ATM: variants seen among roughly 807,000 people sequenced by gnomAD.
ATM encodes ATM serine/threonine kinase.
A neutral mutation model predicts 387.0 loss-of-function variants in ATM; 308 were observed. The observed-to-expected ratio is 0.80, with a 90% CI of 0.73 to 0.87. The LOEUF (loss-of-function observed/expected upper bound fraction) is 0.87, where lower values mean the gene tolerates loss of function less well. Ranked by LOEUF, ATM falls within the 40% of genes least tolerant of loss-of-function variation. ATM has a pLI of 0.00. For missense variants in ATM, 3,312 were observed against 3,560.9 expected (o/e 0.93, Z 1.78); for synonymous variants, 1,156 against 1,187.3 (o/e 0.97, Z 0.54).
chr11:108,357,927 G>A (rs1049699961), intron 61 of ATM, among the ~76,000 whole-genome samples: 14 of 150,798 alleles, frequency 9.3e-5, no homozygotes, highest in South Asian at 2.1e-4. Flanking sequence ...CACCAGCAAC[G>A]GAACAAAGCT....
rs142766756 is a variant in ATM, at chr11:108,282,772, T to C, written c.3639T>C (p.His1213=). ...GTTTAGAAGACTTTATGGCATCTCATTTAGATTATCTGGTTTTGGAATGGC... is the reference window on the plus strand; with the variant it reads ...GTTTAGAAGACTTTATGGCATCTCACTTAGATTATCTGGTTTTGGAATGGC... ...YRRLEDFMAS[H]LDYLVLEWLN... Residue 1213 remains histidine (H), a synonymous_variant, in exon 25 of 63, where the codon CAT becomes CAC. Transcript: ENST00000675843. 5.6e-6 allele frequency: 9 copies of C among 1,611,020 alleles called. No individual in the cohort carries two copies. In the African/African-American group the frequency reaches 1.2e-4, roughly 22 times the overall value.
rs2082669054 is a variant in ATM at position 108,289,597 on chromosome 11, T to G, written c.4237-5T>G. 6.2e-7 allele frequency: 1 copy of G among 1,600,222 alleles called. No homozygotes were observed. The highest frequency in any genetic ancestry group is 1.1e-5 in the South Asian group (1 of 88,978). ...AAGTTTTTACTAAATCTGTTTATTT[T>G]CTAGGATTCCTATCAGAAAATTCTT... On this transcript the variant is annotated splice_region_variant and splice_polypyrimidine_tract_variant and intron_variant, in intron 28 of 62. Transcript: ENST00000675843.
chr11:108,224,493 A>G (rs625120), intron 1 of ATM: 79,825 of 152,018 alleles, frequency 0.53, 21,802 homozygotes, highest in Middle Eastern at 0.73. Flanking sequence ...TAATGTATAA[A>G]TGAAGTTCAT....
At chr11:108,310,400 C>A (rs2136024270) in intron 39 of ATM, 85 bp downstream of exon 39, 2 of 1,252,850 alleles carry the variant, frequency 1.6e-6, no homozygotes, top group East Asian at 2.4e-5. Context: ...TATTTTGCCT[C>A]CTGTTCCCCA....
At chr11:108,258,137 C>A (rs2080624477) in intron 15 of ATM, among the ~76,000 whole-genome samples, 1 of 152,104 alleles carries the variant, frequency 6.6e-6, no homozygotes, top group Non-Finnish European at 1.5e-5. Flanking sequence ...ACCCTGGGCT[C>A]AAGTGATGCT....
intron 38 of ATM, chr11:108,309,219 T>C (rs2083940087): frequency 1.8e-6 from 1 of 545,060 alleles, no homozygotes; most frequent in Non-Finnish European, 3.3e-6. Flanking sequence ...ACAAAAAAAT[T>C]GCTTGCTGTC....
Position 108,345,724 on chromosome 11 carries a change from A to G in ATM, c.8419-19A>G, listed in dbSNP as rs12279930. 1.4e-3 allele frequency: 2,214 copies of G among 1,532,168 alleles called. 27 individuals carry two copies. The African/African-American group carries it at 0.026, about 18-fold the overall frequency. The allele number at this position is 1,532,168 out of a possible 1,614,324, so 94.9% of individuals were successfully genotyped here. A position where few individuals can be genotyped will look rare whatever the true frequency, so the allele number is the denominator to read the frequency against. On this transcript the variant is annotated intron_variant, in intron 57 of 62. Transcript: ENST00000675843. The stretch of plus-strand genomic sequence containing the variant: ...GAACACAATATTGAAAAATAATTAT[A>G]TATATTCTCTATTTAAAGGAGGTGC...
intron 5 of ATM, among the ~76,000 whole-genome samples, chr11:108,238,080 C>G (rs2079382362): frequency 6.6e-6 from 1 of 151,870 alleles, no homozygotes. Context: ...GCATGTGCCA[C>G]CACACCCAGC....
Position 108,257,744 on chromosome 11 carries a change from C to T in ATM, c.2376+138C>T, listed in dbSNP as rs2080597945. On this transcript the variant is annotated intron_variant, in intron 15 of 62. Coordinates refer to ENST00000675843, the MANE Select transcript of ATM (RefSeq NM_000051.4). ...CAGCAATTCTCCTGCCTCAGCCTCC[C>T]AAGTAATTGGGACTACAGGCATGTA... The T allele has an allele frequency of 1.0e-5, 9 of 888,970 alleles. No individual in the cohort carries two copies. In the East Asian group the frequency reaches 2.1e-4, roughly 21 times the overall value. The allele number at this position is 888,970 out of a possible 1,614,324, so 55.1% of individuals were successfully genotyped here.
chr11:108,247,543 G>T (rs543092985), intron 8 of ATM, among the ~76,000 whole-genome samples: 1 of 152,088 alleles, frequency 6.6e-6, no homozygotes, highest in African/African-American at 2.4e-5. Context: ...GTGGTTTTTA[G>T]TATTTTTACT....
At chr11:108,286,042 A>G (rs1049209273) in intron 26 of ATM, among the ~76,000 whole-genome samples, 7 of 152,218 alleles carry the variant, frequency 4.6e-5, no homozygotes, top group African/African-American at 1.7e-4. Context: ...GATGTAAGTT[A>G]AATTCTTGGC....
At chr11:108,277,978 C>A (rs536322769) in intron 22 of ATM, among the ~76,000 whole-genome samples, 1 of 151,988 alleles carries the variant, frequency 6.6e-6, no homozygotes, top group African/African-American at 2.4e-5. Context: ...ATTTTTAGCA[C>A]CTAAAACAAT....
Position 108,310,241 on chromosome 11 carries a change from T to C in ATM, c.5844T>C (p.Cys1948=), listed in dbSNP as rs776150043. The change falls in exon 39 of 63, where the codon TGT becomes TGC. Residue 1948 remains cysteine (C), a synonymous_variant. Coordinates refer to ENST00000675843, the MANE Select transcript of ATM (RefSeq NM_000051.4). ...AAGTTGCCAAGGTAGCTCAGTCTTG[T>C]GCTGCTCACTTTACAGCTTTACTCT... ...YLEVAKVAQS[C]AAHFTALLYA... is the part of the protein sequence containing the mutation. 1 of 1,613,574 alleles carries C rather than the reference T, an allele frequency of 6.2e-7. No homozygotes were observed. The highest frequency in any genetic ancestry group is 2.2e-5 in the East Asian group (1 of 44,772).
At chr11:108,276,066 C>A (rs559061642) in intron 22 of ATM, among the ~76,000 whole-genome samples, 1 of 152,200 alleles carries the variant, frequency 6.6e-6, no homozygotes, top group African/African-American at 2.4e-5. Context: ...CCTTTTCATT[C>A]TTTTTTCTCT....
intron 61 of ATM, among the ~76,000 whole-genome samples, chr11:108,360,483 GAC>G (rs2090595146): frequency 8.2e-6 from 1 of 121,860 alleles, no homozygotes; most frequent in Non-Finnish European, 1.7e-5. Flanking sequence ...GCCGGGCAGA[GAC>G]ACAACCAAAA....
intron 37 of ATM, among the ~76,000 whole-genome samples, chr11:108,305,591 GA>G (rs996819375): frequency 1.3e-5 from 2 of 150,906 alleles, no homozygotes; most frequent in African/African-American, 2.4e-5. Flanking sequence ...TCTAAAAAAA[GA>G]AAAAAAACCC....
rs142455912 is a variant in ATM at position 108,299,797 on chromosome 11, A to G, written c.5089A>G (p.Thr1697Ala). Residue 1697 changes from threonine (T) to alanine (A), a missense_variant, in exon 34 of 63, where the codon ACC becomes GCC. Around this residue, in one of 4 missense-constraint regions of ATM, gnomAD observed 1,405 missense variants for 1,604.4 expected, o/e 0.88. Coordinates refer to ENST00000675843, the MANE Select transcript of ATM (RefSeq NM_000051.4). Reference sequence around the variant, plus strand: ...ACAACATAGTAAAGATGCATCTTATACCAAGGCCCTTAAGTTATTTGAAGA... The same window carrying G: ...ACAACATAGTAAAGATGCATCTTATGCCAAGGCCCTTAAGTTATTTGAAGA... Reference protein sequence around the residue: ...AIQHSKDASYTKALKLFEDKE... With the variant: ...AIQHSKDASYAKALKLFEDKE... The G allele has an allele frequency of 1.9e-4, 308 of 1,613,922 alleles. No homozygotes were observed. The highest frequency in any genetic ancestry group is 2.5e-4 in the Non-Finnish European group (292 of 1,179,960).
At chr11:108,246,606 C>T (rs557766281) in intron 7 of ATM, among the ~76,000 whole-genome samples, 3 of 152,222 alleles carry the variant, frequency 2.0e-5, no homozygotes, top group Admixed American at 1.3e-4. Context: ...GTTGAAGGAA[C>T]TCGTAATATT....
rs2135318244 is a variant in ATM, at chr11:108,250,778, T to C, written c.1313T>C (p.Ile438Thr). 3 of 1,613,752 alleles carry C rather than the reference T, an allele frequency of 1.9e-6. No homozygotes were observed. The highest frequency in any genetic ancestry group is 2.5e-6 in the Non-Finnish European group (3 of 1,179,974). Residue 438 changes from isoleucine to threonine, a missense_variant, in exon 10 of 63, where the codon ATA (isoleucine) becomes ACA (threonine). This residue lies in a region of ATM where 1,791 missense variants were observed against 1,804.5 expected (regional missense o/e 0.99). Transcript: ENST00000675843. The part of the protein sequence containing the change: ...PNCELSPLLM[I>T]LSQLLPQQRH... Reference sequence around the variant, plus strand: ...TGTGAGCTGTCTCCATTACTGATGATACTATCTCAGCTTCTACCCCAACAG... The same window carrying C: ...TGTGAGCTGTCTCCATTACTGATGACACTATCTCAGCTTCTACCCCAACAG...
Sources: allele counts gnomAD v4.1 joint callset (sites outside exome capture counted in the v4.1 genomes callset), GRCh38; gene constraint gnomAD v4.1.1; regional missense constraint gnomAD v4.1.1; transcripts MANE v1.5; gene names NCBI Gene and HGNC (gene_info 2026-07-23, HGNC 2026-07-21).